Variants in PCDHA1 observed in about 807,000 individuals in gnomAD.
PCDHA1 encodes protocadherin alpha-1.
PCDHA1 carries 42 observed loss-of-function variants against 61.3 expected under a neutral mutation model. The observed-to-expected ratio is 0.69, with a 90% CI of 0.54 to 0.89. The LOEUF is 0.89. Among genes scored for constraint, PCDHA1 ranks in the 40% least tolerant of loss-of-function variants. PCDHA1 has a pLI of 0.00. For missense variants in PCDHA1, 1,256 were observed against 1,235.3 expected (o/e 1.02, Z -0.25); for synonymous variants, 610 against 553.8 (o/e 1.10, Z -1.43).
At chr5:140,917,330 AG>A (rs1425400137) in intron 1 of PCDHA1, among the ~76,000 whole-genome samples, 1,705 of 103,254 alleles carry the variant, frequency 0.017, 125 homozygotes, top group African/African-American at 0.055. Context: ...GTGGCGGGGG[AG>A]GGGGGGGATG....
intron 1 of PCDHA1, among the ~76,000 whole-genome samples, chr5:140,909,874 T>G (rs778631778): frequency 2.6e-4 from 39 of 152,184 alleles, no homozygotes; most frequent in Admixed American, 5.2e-4. Context: ...CAACGTCAGC[T>G]TAGAGACACT....
chr5:140,803,201 G>A (rs1187418023), intron 1 of PCDHA1: 3 of 1,613,778 alleles, frequency 1.9e-6, no homozygotes, highest in African/African-American at 1.3e-5. Flanking sequence ...TGCTGGTGTC[G>A]CTGGTGGAGA....
chr5:140,935,118 T>G (rs189908862), intron 1 of PCDHA1, among the ~76,000 whole-genome samples: 6 of 152,324 alleles, frequency 3.9e-5, no homozygotes, highest in Admixed American at 3.3e-4. Flanking sequence ...AGCTTTCACT[T>G]ATTTTTAGTG....
intron 1 of PCDHA1, chr5:140,927,060 CT>C: frequency 1.2e-6 from 2 of 1,611,446 alleles, no homozygotes; most frequent in Non-Finnish European, 1.7e-6. Context: ...GGAACTTTCG[CT>C]TCCTTTCCAG....
intron 1 of PCDHA1, among the ~76,000 whole-genome samples, chr5:140,921,467 A>G (rs1287124986): frequency 1.3e-5 from 2 of 152,204 alleles, no homozygotes; most frequent in East Asian, 1.9e-4. Flanking sequence ...TGCAACCACT[A>G]CCAAACCACT....
intron 1 of PCDHA1, chr5:140,861,935 C>T (rs2047149357): frequency 6.5e-6 from 1 of 153,898 alleles, no homozygotes; most frequent in Admixed American, 6.5e-5. Flanking sequence ...TGATGATGCC[C>T]AGTGTTTGAC....
intron 1 of PCDHA1, chr5:140,816,735 T>G (rs1765977458): frequency 6.6e-6 from 1 of 152,192 alleles, no homozygotes; most frequent in Admixed American, 6.5e-5. Flanking sequence ...AAACCTTTTC[T>G]GTGGATGCAT....
intron 1 of PCDHA1, among the ~76,000 whole-genome samples, chr5:140,963,325 C>T (rs1156299692): frequency 2.0e-5 from 3 of 152,156 alleles, no homozygotes; most frequent in Non-Finnish European, 4.4e-5. Flanking sequence ...ATTAGAATTA[C>T]ACAGATAAAT....
intron 1 of PCDHA1, among the ~76,000 whole-genome samples, chr5:140,925,729 A>AAATATTTACAGAAAG (rs1334705925): frequency 8.6e-5 from 13 of 151,770 alleles, no homozygotes; most frequent in African/African-American, 2.9e-4. Context: ...GGTGTTTTCT[A>AAATATTTACAGAAAG]AATATTTACA....
chr5:140,871,011 G>C, intron 1 of PCDHA1: 1 of 1,613,324 alleles, frequency 6.2e-7, no homozygotes, highest in Non-Finnish European at 8.5e-7. Context: ...CGCGTGCCCT[G>C]GACGAGGCAG....
intron 1 of PCDHA1, among the ~76,000 whole-genome samples, chr5:140,952,416 G>A (rs114343205): frequency 2.1e-3 from 324 of 151,824 alleles, no homozygotes; most frequent in African/African-American, 7.0e-3. Flanking sequence ...TTAATGTTCC[G>A]CAGATTCCTA....
At position 140,786,751 on chromosome 5, in the gene PCDHA1, T is replaced by A; in HGVS notation, c.461T>A (p.Ile154Lys). Residue 154 changes from isoleucine (I) to lysine (K), a missense_variant, in exon 1 of 4, where the codon ATA (isoleucine) becomes AAA (lysine). Physicochemically the swap from Ile to Lys is moderately radical, Grantham distance 102. Transcript: ENST00000504120. Reference protein sequence around the residue: ...ESRLLNSRFPIEGAADADIGA... With the variant: ...ESRLLNSRFPKEGAADADIGA... ...AGACTCCTGAATTCGCGTTTTCCGA[T>A]AGAAGGAGCTGCTGATGCAGACATT... 1 of 1,614,238 alleles carries A rather than the reference T, an allele frequency of 6.2e-7. No homozygotes were observed. Among genetic ancestry groups the A allele is most frequent in the Admixed American group, 1.7e-5 (1 of 60,034 alleles).
At chr5:140,947,796 T>C (rs2094177808) in intron 1 of PCDHA1, among the ~76,000 whole-genome samples, 2 of 151,630 alleles carry the variant, frequency 1.3e-5, no homozygotes, top group Non-Finnish European at 3.0e-5. Context: ...AACAGACTTT[T>C]AATTTGCAGA....
At chr5:140,818,626 C>G (rs1235638442) in intron 1 of PCDHA1, among the ~76,000 whole-genome samples, 8 of 152,076 alleles carry the variant, frequency 5.3e-5, no homozygotes, top group Non-Finnish European at 8.8e-5. Context: ...TGCTTGAGCC[C>G]AGGAGTTCAA....
rs183247098 is a variant in PCDHA1 at position 140,949,419 on chromosome 5, T to G, written c.2395-29530T>G. On this transcript the variant is annotated intron_variant, in intron 1 of 3. Coordinates refer to ENST00000504120, the MANE Select transcript of PCDHA1 (RefSeq NM_018900.4). ...TGTTAAAAATCACCTATCATCATTGTGTTTATCTCTTTGTGCCCATTTTTG... is the reference window on the plus strand; with the variant it reads ...TGTTAAAAATCACCTATCATCATTGGGTTTATCTCTTTGTGCCCATTTTTG... Among the ~76,000 whole-genome samples the G allele has an allele frequency of 2.5e-3, 382 of 151,992 alleles. 3 individuals are homozygous for G. The highest frequency in any genetic ancestry group is 0.018 in the South Asian group (86 of 4,828).
intron 1 of PCDHA1, among the ~76,000 whole-genome samples, chr5:140,872,173 T>C (rs2053523271): frequency 6.6e-6 from 1 of 152,224 alleles, no homozygotes; most frequent in Non-Finnish European, 1.5e-5. Flanking sequence ...TTCTTTTTTT[T>C]TTTTACAGTG....
At chr5:141,005,311 A>C (rs2098206135) in intron 3 of PCDHA1, among the ~76,000 whole-genome samples, 6 of 152,310 alleles carry the variant, frequency 3.9e-5, no homozygotes, top group Middle Eastern at 6.8e-3. Flanking sequence ...TGAATCTTAC[A>C]GTGGTAGAGA....
intron 1 of PCDHA1, chr5:140,805,750 A>G (rs1268453068): frequency 4.0e-6 from 1 of 250,110 alleles, no homozygotes; most frequent in Non-Finnish European, 6.3e-6. Flanking sequence ...TGAACTTGAA[A>G]TACATCTTAA....
chr5:140,814,439 G>C (rs1327289390), intron 1 of PCDHA1: 1 of 149,084 alleles, frequency 6.7e-6, no homozygotes, highest in African/African-American at 2.5e-5. Context: ...GTTTTGTGGT[G>C]ACCTTTTTTC....
Sources: allele counts gnomAD v4.1 joint callset (sites outside exome capture counted in the v4.1 genomes callset), GRCh38; gene constraint gnomAD v4.1.1; transcripts MANE v1.5; gene names NCBI Gene and HGNC (gene_info 2026-07-23, HGNC 2026-07-21).